ROBO2: variants seen among roughly 807,000 people sequenced by gnomAD.
ROBO2 encodes the protein roundabout guidance receptor 2.
Under a neutral mutation model 160.8 loss-of-function variants are expected in ROBO2, and 53 were observed. The ratio of observed to expected loss-of-function variants is 0.33; its 90% CI spans 0.26 to 0.41. ROBO2 has a LOEUF of 0.41. Ranked by LOEUF, ROBO2 falls within the 10% of genes least tolerant of loss-of-function variation. ROBO2 has a pLI of 1.00. For missense variants in ROBO2, 1,577 were observed against 1,722.4 expected (o/e 0.92, Z 1.49); for synonymous variants, 664 against 611.7 (o/e 1.09, Z -1.26).
intron 14 of ROBO2, among the ~76,000 whole-genome samples, chr3:77,576,737 T>A (rs1420613628): frequency 1.3e-5 from 2 of 152,128 alleles, no homozygotes; most frequent in Non-Finnish European, 2.9e-5. Context: ...TGACCCAACA[T>A]GAACTGTTTT....
chr3:77,197,169 A>G (rs967390667), intron 2 of ROBO2, among the ~76,000 whole-genome samples: 20 of 152,324 alleles, frequency 1.3e-4, no homozygotes, highest in Admixed American at 1.3e-3. Flanking sequence ...AAAGTCTTCA[A>G]TCCCATTTTG....
intron 2 of ROBO2, among the ~76,000 whole-genome samples, chr3:76,605,283 T>A (rs1334060092): frequency 3.3e-5 from 5 of 152,036 alleles, no homozygotes; most frequent in African/African-American, 1.2e-4. Context: ...AAGACATAGA[T>A]CAGATATGTA....
At chr3:76,876,514 A>C (rs2072738099) in intron 2 of ROBO2, among the ~76,000 whole-genome samples, 1 of 152,240 alleles carries the variant, frequency 6.6e-6, no homozygotes, top group Admixed American at 6.5e-5. Context: ...GCCTCTACTA[A>C]AAATATAAAA....
Position 76,149,670 on chromosome 3 carries a change from A to G in ROBO2, c.109+212068A>G, listed in dbSNP as rs76961630. The stretch of plus-strand genomic sequence containing the variant: ...CTAAAGCACACATCATCTGTCTAAA[A>G]CACACATCATCTGTCTAAAACACAC... On this transcript the variant is annotated intron_variant, in intron 2 of 26. Coordinates refer to the ROBO2 transcript ENST00000487694. Among the ~76,000 whole-genome samples, 180 of 128,582 alleles carry G rather than the reference A, an allele frequency of 1.4e-3. 33 individuals carry two copies. The Middle Eastern group carries it at 0.017, about 12-fold the overall frequency. 84.4% of individuals were successfully genotyped at this position (128,582 alleles called of 152,430 possible).
chr3:77,046,084 G>C (rs769953116), intron 1 of ROBO2, among the ~76,000 whole-genome samples: 21 of 152,094 alleles, frequency 1.4e-4, no homozygotes, highest in Non-Finnish European at 2.8e-4. Context: ...ACTAACTTTT[G>C]TGTGAACATA....
chr3:76,841,501 C>G (rs1341077812), intron 2 of ROBO2, among the ~76,000 whole-genome samples: 2 of 152,098 alleles, frequency 1.3e-5, no homozygotes, highest in Non-Finnish European at 2.9e-5. Flanking sequence ...ACATTGCCCC[C>G]CTCCCCCTTT....
chr3:76,878,051 C>T (rs1245030511), intron 2 of ROBO2, among the ~76,000 whole-genome samples: 1 of 152,126 alleles, frequency 6.6e-6, no homozygotes, highest in Non-Finnish European at 1.5e-5. Context: ...GCCCTATCTC[C>T]AAATGCAGTG....
chr3:77,648,063 C>T (rs186950654), exon 26 of ROBO2: 5 of 152,272 alleles, frequency 3.3e-5, no homozygotes, highest in Admixed American at 6.5e-5. Flanking sequence ...CCTTTATCAA[C>T]TTTCTACCAT....
At chr3:77,619,099 T>C (rs1230204770) in intron 22 of ROBO2, among the ~76,000 whole-genome samples, 1 of 152,182 alleles carries the variant, frequency 6.6e-6, no homozygotes. Context: ...ATCTGGAATT[T>C]GATCCAGATC....
At chr3:76,548,763 C>T (rs1272337274) in intron 2 of ROBO2, among the ~76,000 whole-genome samples, 1 of 151,362 alleles carries the variant, frequency 6.6e-6, no homozygotes. Context: ...ATCAAGAAAT[C>T]GAAATCAGGT....
chr3:76,405,899 T>C (rs1490278597), intron 2 of ROBO2, among the ~76,000 whole-genome samples: 1 of 151,792 alleles, frequency 6.6e-6, no homozygotes, highest in Non-Finnish European at 1.5e-5. Context: ...TATGGTTCTG[T>C]AATACACTGA....
intron 6 of ROBO2, among the ~76,000 whole-genome samples, chr3:77,541,960 T>A (rs1161620399): frequency 6.6e-6 from 1 of 151,994 alleles, no homozygotes; most frequent in East Asian, 1.9e-4. Context: ...TTTTTTTTAA[T>A]ACTTAATGGG....
At chr3:76,554,861 A>T (rs2083612481) in intron 2 of ROBO2, among the ~76,000 whole-genome samples, 1 of 152,066 alleles carries the variant, frequency 6.6e-6, no homozygotes, top group South Asian at 2.1e-4. Flanking sequence ...CTACAGTGGG[A>T]GAATCAGGGA....
At chr3:76,461,983 T>C (rs984005115) in intron 2 of ROBO2, among the ~76,000 whole-genome samples, 4 of 152,130 alleles carry the variant, frequency 2.6e-5, no homozygotes, top group African/African-American at 9.7e-5. Flanking sequence ...TTCAGTTCTT[T>C]ATCTAATCCT....
intron 2 of ROBO2, among the ~76,000 whole-genome samples, chr3:76,730,251 C>G (rs538388355): frequency 5.2e-4 from 59 of 113,608 alleles, no homozygotes; most frequent in Middle Eastern, 9.0e-3. Context: ...CTACTCCCTA[C>G]CCGCTTCTCC....
chr3:76,869,348 T>TG (rs1345166857), intron 2 of ROBO2, among the ~76,000 whole-genome samples: 8 of 132,668 alleles, frequency 6.0e-5, no homozygotes, highest in Admixed American at 5.3e-4. Context: ...TGATGTTTTT[T>TG]TTTTTTTTTT....
intron 2 of ROBO2, among the ~76,000 whole-genome samples, chr3:77,459,830 G>A (rs1189464403): frequency 4.0e-5 from 6 of 151,842 alleles, no homozygotes; most frequent in African/African-American, 1.4e-4. Context: ...AGCATGGTTG[G>A]GAAGGAAGGG....
intron 2 of ROBO2, among the ~76,000 whole-genome samples, chr3:76,052,150 A>G (rs1167046975): frequency 1.3e-5 from 2 of 152,144 alleles, no homozygotes; most frequent in Admixed American, 1.3e-4. Flanking sequence ...GTTAAGAACT[A>G]CAGCAGTAAG....
At chr3:77,505,551 T>C (rs1407707283) in intron 5 of ROBO2, among the ~76,000 whole-genome samples, 1 of 152,162 alleles carries the variant, frequency 6.6e-6, no homozygotes, top group African/African-American at 2.4e-5. Context: ...TGAGATTTAG[T>C]AGTATTTTTT....
Sources: allele counts gnomAD v4.1 joint callset (sites outside exome capture counted in the v4.1 genomes callset), GRCh38; gene constraint gnomAD v4.1.1; transcripts MANE v1.5; gene names NCBI Gene and HGNC (gene_info 2026-07-23, HGNC 2026-07-21).